Variants in RIMS2 observed in about 807,000 individuals in gnomAD.
The protein encoded by RIMS2 is regulating synaptic membrane exocytosis protein 2.
Under a neutral mutation model 174.4 loss-of-function variants are expected in RIMS2, and 59 were observed. That is an observed-to-expected ratio of 0.34 (90% CI 0.27 to 0.42). RIMS2 has a LOEUF of 0.42. Ranked by LOEUF, RIMS2 falls within the 10% of genes least tolerant of loss-of-function variation. The pLI is 1.00. For missense variants in RIMS2, 1,620 were observed against 1,666.3 expected (o/e 0.97, Z 0.48); for synonymous variants, 606 against 572.5 (o/e 1.06, Z -0.84).
At chr8:104,129,241 C>T (rs1317730971) in intron 19 of RIMS2, among the ~76,000 whole-genome samples, 2 of 151,822 alleles carry the variant, frequency 1.3e-5, no homozygotes, top group African/African-American at 4.8e-5. Flanking sequence ...AAAAAAGTAG[C>T]CACGTGTGGC....
intron 1 of RIMS2, among the ~76,000 whole-genome samples, chr8:103,683,933 C>T (rs2096909056): frequency 6.6e-6 from 1 of 152,022 alleles, no homozygotes. Flanking sequence ...GGTTTTAAAG[C>T]AATTTTCATT....
chr8:104,225,014 A>G (rs144679150), intron 19 of RIMS2, among the ~76,000 whole-genome samples: 12 of 152,350 alleles, frequency 7.9e-5, no homozygotes, highest in African/African-American at 2.9e-4. Flanking sequence ...TTTACGTTTC[A>G]CTTGCTTCCT....
intron 3 of RIMS2, among the ~76,000 whole-genome samples, chr8:103,769,311 T>C (rs3107473): frequency 0.36 from 54,906 of 151,912 alleles, 10,611 homozygotes; most frequent in East Asian, 0.77. Context: ...ATCTGTAATC[T>C]TTGTTTTTTG....
intron 3 of RIMS2, among the ~76,000 whole-genome samples, chr8:103,780,020 G>T (rs910998092): frequency 2.0e-5 from 3 of 152,024 alleles, no homozygotes; most frequent in Non-Finnish European, 4.4e-5. Flanking sequence ...TACTGATTTG[G>T]TTACCATAGC....
In RIMS2 at chr8:104,197,327, C is replaced by G. The variant is rs144878514; in HGVS notation, c.3335-47589C>G. On this transcript the variant is annotated intron_variant, in intron 19 of 23. Transcript: ENST00000504942. ...AGTATCTGGGATTACAGGTGCCCAC[C>G]ACCACACCTGGCTAATTTTTTGTAT... Among the ~76,000 whole-genome samples, 799 of 152,068 alleles carry G rather than the reference C, an allele frequency of 5.3e-3. 5 individuals are homozygous for G. The highest frequency in any genetic ancestry group is 0.018 in the African/African-American group (726 of 41,476).
intron 13 of RIMS2, among the ~76,000 whole-genome samples, chr8:103,938,567 GT>G (rs2081831993): frequency 6.6e-6 from 1 of 151,970 alleles, no homozygotes; most frequent in Non-Finnish European, 1.5e-5. Context: ...ATTCCATTCT[GT>G]CCCCTCCCAA....
At chr8:103,958,517 C>T (rs1474013053) in intron 14 of RIMS2, among the ~76,000 whole-genome samples, 3 of 151,966 alleles carry the variant, frequency 2.0e-5, no homozygotes, top group Non-Finnish European at 2.9e-5. Flanking sequence ...ACGAGTTGAC[C>T]TATGTAACAA....
intron 1 of RIMS2, among the ~76,000 whole-genome samples, chr8:103,651,685 T>A (rs180741338): frequency 3.3e-4 from 50 of 152,288 alleles, no homozygotes; most frequent in African/African-American, 1.1e-3. Flanking sequence ...TTTTAATAGC[T>A]ATTTTAAGAG....
chr8:103,958,347 A>G (rs2088369949), intron 14 of RIMS2, among the ~76,000 whole-genome samples: 1 of 152,142 alleles, frequency 6.6e-6, no homozygotes, highest in African/African-American at 2.4e-5. Flanking sequence ...AGTGGGAGCT[A>G]AATAAAGAAA....
chr8:103,533,350 C>T (rs776216241), intron 1 of RIMS2, among the ~76,000 whole-genome samples: 23 of 152,194 alleles, frequency 1.5e-4, no homozygotes, highest in African/African-American at 5.1e-4. Flanking sequence ...AGTGGTTTTC[C>T]TTGACTCTTG....
At chr8:103,847,312 A>G (rs1215508273) in intron 3 of RIMS2, among the ~76,000 whole-genome samples, 1 of 152,058 alleles carries the variant, frequency 6.6e-6, no homozygotes, top group Non-Finnish European at 1.5e-5. Flanking sequence ...CATTGAATTA[A>G]GGAATATACT....
chr8:103,666,919 GT>G (rs2096677471), intron 1 of RIMS2, among the ~76,000 whole-genome samples: 1 of 152,108 alleles, frequency 6.6e-6, no homozygotes, highest in Non-Finnish European at 1.5e-5. Context: ...ATTTCTTTGA[GT>G]TTTTGTTGTT....
At chr8:103,893,891 C>T (rs1460238997) in intron 4 of RIMS2, among the ~76,000 whole-genome samples, 3 of 152,036 alleles carry the variant, frequency 2.0e-5, no homozygotes, top group Non-Finnish European at 4.4e-5. Flanking sequence ...GTAGCATGCA[C>T]ACAGCCATGC....
chr8:103,845,933 C>T lies in RIMS2; in HGVS notation c.699-39365C>T, dbSNP rs528854854. Among the ~76,000 whole-genome samples the T allele has an allele frequency of 3.3e-5, 5 of 152,262 alleles. No individual in the cohort carries two copies. The South Asian group carries it at 1.0e-3, about 32-fold the overall frequency. The stretch of plus-strand genomic sequence containing the variant: ...GTGGGGAAAAAGATGCTAAGGATCT[C>T]TATTCTTGAAGAACGTAATACTTAC... On this transcript the variant is annotated intron_variant, in intron 3 of 23. Coordinates refer to ENST00000504942, the Ensembl canonical transcript of RIMS2.
intron 2 of RIMS2, among the ~76,000 whole-genome samples, chr8:103,727,906 G>C (rs1564424424): frequency 2.0e-5 from 3 of 152,022 alleles, no homozygotes; most frequent in Non-Finnish European, 4.4e-5. Context: ...GCTTAAGATA[G>C]CTTTGGCTAT....
At chr8:103,599,431 T>C (rs1206780731) in intron 1 of RIMS2, among the ~76,000 whole-genome samples, 1 of 140,372 alleles carries the variant, frequency 7.1e-6, no homozygotes, top group African/African-American at 2.5e-5. Context: ...TAAATATATA[T>C]GTGTATATAT....
At chr8:104,046,292 A>G (rs1259007148) in intron 19 of RIMS2, among the ~76,000 whole-genome samples, 1 of 151,996 alleles carries the variant, frequency 6.6e-6, no homozygotes, top group African/African-American at 2.4e-5. Context: ...TATGGCACAA[A>G]TCCCACAACA....
intron 1 of RIMS2, among the ~76,000 whole-genome samples, chr8:103,569,951 CA>C (rs2092688838): frequency 6.6e-6 from 1 of 152,006 alleles, no homozygotes; most frequent in African/African-American, 2.4e-5. Flanking sequence ...TTTAAACATG[CA>C]ATTGTTTTCA....
intron 1 of RIMS2, among the ~76,000 whole-genome samples, chr8:103,642,012 C>A (rs2096241860): frequency 6.6e-6 from 1 of 152,084 alleles, no homozygotes; most frequent in Non-Finnish European, 1.5e-5. Context: ...ATATTCTCTG[C>A]TTTTTAATTG....
Sources: gnomAD v4.1 joint callset for allele counts (sites outside exome capture counted in the v4.1 genomes callset) on GRCh38, gnomAD v4.1.1 for gene constraint, MANE v1.5 for transcripts, NCBI Gene and HGNC (gene_info 2026-07-23, HGNC 2026-07-21) for gene names.